EDA: variants seen among roughly 807,000 people sequenced by gnomAD.
EDA encodes the protein ectodysplasin A, also known as ectodysplasin-A.
A neutral mutation model predicts 23.6 loss-of-function variants in EDA; 2 were observed. That is an observed-to-expected ratio of 0.08 (90% CI 0.03 to 0.27). The LOEUF is 0.27. Among genes scored for constraint, EDA ranks in the 10% least tolerant of loss-of-function variants. The pLI, the probability that EDA is intolerant of heterozygous loss-of-function variation, is 1.00. For synonymous variants in EDA, 131 were observed against 132.0 expected (o/e 0.99, Z 0.05); for missense variants, 229 against 324.2 (o/e 0.71, Z 2.26).
chrX:69,882,068 T>A (rs2017756473), intron 1 of EDA, among the ~76,000 whole-genome samples: 2 of 111,924 alleles, frequency 1.8e-5, no homozygotes, highest in African/African-American at 6.5e-5. Flanking sequence ...CTATCTCAAC[T>A]GCTGTGATGC....
chrX:69,831,531 T>C (rs2016610076), intron 1 of EDA, among the ~76,000 whole-genome samples: 1 of 112,521 alleles, frequency 8.9e-6, no homozygotes, highest in African/African-American at 3.2e-5. Context: ...TGTGCATGTG[T>C]CTTTATATTG....
chrX:69,892,425 G>A (rs913172637), intron 1 of EDA, among the ~76,000 whole-genome samples: 4 of 111,358 alleles, frequency 3.6e-5, no homozygotes, highest in South Asian at 3.8e-4. Flanking sequence ...CCAGAGAAGT[G>A]TCTGCCATGG....
intron 1 of EDA, chrX:69,937,364 C>T: frequency 3.2e-6 from 2 of 631,650 alleles, no homozygotes; most frequent in Non-Finnish European, 5.5e-6. Flanking sequence ...CTATCTATGC[C>T]AGCTCTAACT....
chrX:69,777,693 G>A (rs1443475274), intron 1 of EDA, among the ~76,000 whole-genome samples: 1 of 111,206 alleles, frequency 9.0e-6, no homozygotes, highest in Non-Finnish European at 1.9e-5. Context: ...TTTTACTTGT[G>A]ATGCCATATG....
At chrX:69,719,168 T>A (rs1333305952) in intron 1 of EDA, among the ~76,000 whole-genome samples, 1 of 111,220 alleles carries the variant, frequency 9.0e-6, no homozygotes, top group East Asian at 2.8e-4. Flanking sequence ...ACATTGATAA[T>A]TTGCATCTTT....
chrX:69,946,764 T>G (rs992792802), intron 1 of EDA, among the ~76,000 whole-genome samples: 1 of 111,117 alleles, frequency 9.0e-6, no homozygotes, highest in Non-Finnish European at 1.9e-5. Context: ...TGGGGTAGTT[T>G]ATGTGGTGTA....
chrX:69,727,852 G>C (rs1781623622), intron 1 of EDA, among the ~76,000 whole-genome samples: 1 of 111,800 alleles, frequency 8.9e-6, no homozygotes, highest in African/African-American at 3.3e-5. Context: ...TTTTTGGTTT[G>C]TTGCTGTTTC....
At chrX:69,625,209 G>A (rs927291481) in intron 1 of EDA, among the ~76,000 whole-genome samples, 1 of 110,903 alleles carries the variant, frequency 9.0e-6, no homozygotes, top group African/African-American at 3.3e-5. Flanking sequence ...GCAATGGTAG[G>A]GTTAATCATA....
At chrX:69,676,506 G>A (rs191809644) in intron 1 of EDA, among the ~76,000 whole-genome samples, 85 of 108,861 alleles carry the variant, frequency 7.8e-4, no homozygotes, top group Non-Finnish European at 1.3e-3. Flanking sequence ...GTGTGTGCGC[G>A]CGCGCACGTG....
At chrX:69,677,576 C>T (rs1164594463) in intron 1 of EDA, among the ~76,000 whole-genome samples, 1 of 112,635 alleles carries the variant, frequency 8.9e-6, no homozygotes, top group African/African-American at 3.2e-5. Context: ...TCTCTGATGG[C>T]CAGTGATGGT....
At chrX:69,899,376 T>C (rs905106046) in intron 1 of EDA, among the ~76,000 whole-genome samples, 2 of 111,653 alleles carry the variant, frequency 1.8e-5, no homozygotes, top group Non-Finnish European at 3.8e-5. Context: ...TTAGCCGACC[T>C]GCCAACCTCA....
chrX:69,842,977 C>T (rs759390636), intron 1 of EDA, among the ~76,000 whole-genome samples: 7 of 111,698 alleles, frequency 6.3e-5, no homozygotes, highest in Non-Finnish European at 9.4e-5. Context: ...CATGAGCCAA[C>T]GAAACCTCTT....
intron 1 of EDA, among the ~76,000 whole-genome samples, chrX:69,903,922 T>G (rs2018137322): frequency 1.8e-5 from 2 of 110,452 alleles, no homozygotes; most frequent in Admixed American, 1.9e-4. Flanking sequence ...GTGATTCTCC[T>G]GCCTCAGTCT....
intron 1 of EDA, among the ~76,000 whole-genome samples, chrX:69,825,258 G>A (rs1193418718): frequency 4.4e-5 from 4 of 91,117 alleles, no homozygotes; most frequent in Admixed American, 2.5e-4. Context: ...GATTGGAATA[G>A]TTTCAGAAGG....
intron 1 of EDA, among the ~76,000 whole-genome samples, chrX:69,908,560 C>T (rs2018212101): frequency 9.1e-6 from 1 of 109,512 alleles, no homozygotes; most frequent in South Asian, 3.9e-4. Flanking sequence ...TGGTATCAAC[C>T]AAGGCAAGGT....
intron 1 of EDA, among the ~76,000 whole-genome samples, chrX:69,791,819 T>G (rs1349225893): frequency 2.7e-5 from 3 of 111,197 alleles, no homozygotes; most frequent in Non-Finnish European, 5.7e-5. Context: ...AATTTTTGTA[T>G]TTTTAGTAGA....
Position 70,033,481 on chromosome X carries a change from C to T in EDA, c.877C>T (p.Leu293=), listed in dbSNP as rs1232349140. The T allele has an allele frequency of 8.3e-7, 1 of 1,211,250 alleles. No individual in the cohort carries two copies. The highest frequency in any genetic ancestry group is 1.1e-6 in the Non-Finnish European group (1 of 895,081). Residue 293 remains leucine (L), a synonymous_variant, in exon 7 of 8, where the codon CTG becomes TTG. Transcript: ENST00000374552. ...TAAGCTACATCCCCGCAGCGGGGAG[C>T]TGGAGGTACTGGTGGACGGCACCTA... ...VFKLHPRSGE[L]EVLVDGTYFI... is the part of the protein sequence containing the mutation.
chrX:69,926,749 A>G (rs1013301847), intron 1 of EDA, among the ~76,000 whole-genome samples: 1 of 111,508 alleles, frequency 9.0e-6, no homozygotes, highest in Non-Finnish European at 1.9e-5. Flanking sequence ...TAATATTGAC[A>G]GTGGGGTGTT....
intron 2 of EDA, among the ~76,000 whole-genome samples, chrX:70,005,978 A>T (rs370933662): frequency 2.4e-3 from 267 of 111,746 alleles, no homozygotes; most frequent in African/African-American, 8.0e-3. Flanking sequence ...AGTATGTAGC[A>T]TTTTCAAACT....
Sources: gnomAD v4.1 joint callset for allele counts (sites outside exome capture counted in the v4.1 genomes callset) on GRCh38, gnomAD v4.1.1 for gene constraint, MANE v1.5 for transcripts, NCBI Gene and HGNC (gene_info 2026-07-23, HGNC 2026-07-21) for gene names.